Variants in DNAH5 observed in about 807,000 individuals in gnomAD.
The protein encoded by DNAH5 is axonemal beta dynein heavy chain 5.
A neutral mutation model predicts 518.2 loss-of-function variants in DNAH5; 372 were observed. The observed-to-expected ratio is 0.72, with a 90% CI of 0.66 to 0.78. DNAH5 has a LOEUF of 0.78. Among genes scored for constraint, DNAH5 ranks in the 30% least tolerant of loss-of-function variants. DNAH5 has a pLI of 0.00. For synonymous variants in DNAH5, 2,039 were observed against 2,025.9 expected, an observed-to-expected ratio of 1.01 and a Z score of -0.17; for missense variants, 5,523 against 5,687.0, an observed-to-expected ratio of 0.97 and a Z score of 0.93.
At chr5:13,787,548 T>TA (rs1412879132) in intron 51 of DNAH5, among the ~76,000 whole-genome samples, 1 of 152,140 alleles carries the variant, frequency 6.6e-6, no homozygotes, top group Non-Finnish European at 1.5e-5. Flanking sequence ...CTTTGAGAAA[T>TA]AGTGTTTCAA....
At position 13,919,605 on chromosome 5, in the gene DNAH5, G is replaced by T. The variant is rs1361122140; in HGVS notation, c.799-253C>A. ...TCTTTTGAAAATAGTTTATATTTTGGGGGGTTTTTAAAGATTTTTGATTCA... is the reference window on the plus strand; with the variant it reads ...TCTTTTGAAAATAGTTTATATTTTGTGGGGTTTTTAAAGATTTTTGATTCA... On this transcript the variant is annotated intron_variant, in intron 6 of 78. Coordinates refer to ENST00000265104, the MANE Select transcript of DNAH5 (RefSeq NM_001369.3). Among the ~76,000 whole-genome samples, 3 of 152,012 alleles carry T rather than the reference G, an allele frequency of 2.0e-5. No homozygotes were observed. In the South Asian group the frequency reaches 6.2e-4, roughly 32 times the overall value.
chr5:13,819,862 C>T (rs1362276897), intron 41 of DNAH5, among the ~76,000 whole-genome samples: 1 of 152,074 alleles, frequency 6.6e-6, no homozygotes, highest in Non-Finnish European at 1.5e-5. Flanking sequence ...GCATATAGAA[C>T]ATAAGAGTTG....
At chr5:13,700,327 C>T (rs1476691724) in intron 78 of DNAH5, among the ~76,000 whole-genome samples, 1 of 152,206 alleles carries the variant, frequency 6.6e-6, no homozygotes, top group East Asian at 1.9e-4. Context: ...TTATCTCACT[C>T]TCCTTTCCCA....
At chr5:13,904,064 A>G (rs1774992413) in intron 12 of DNAH5, among the ~76,000 whole-genome samples, 1 of 152,040 alleles carries the variant, frequency 6.6e-6, no homozygotes, top group Non-Finnish European at 1.5e-5. Context: ...CTGATAAAAC[A>G]GTTAAACTCT....
chr5:13,822,782 G>A (rs59581201), intron 40 of DNAH5, among the ~76,000 whole-genome samples: 2 of 152,090 alleles, frequency 1.3e-5, no homozygotes, highest in African/African-American at 4.8e-5. Flanking sequence ...AGTGTGGTGG[G>A]TTCCCCCACC....
chr5:13,747,972 G>A (rs1449316228), intron 65 of DNAH5, among the ~76,000 whole-genome samples: 1 of 152,168 alleles, frequency 6.6e-6, no homozygotes, highest in Non-Finnish European at 1.5e-5. Flanking sequence ...GTCCTGAATG[G>A]TATTGCCTAG....
In DNAH5 at chr5:13,810,342, CAT is replaced by C. The variant is rs145443373; in HGVS notation, c.7408-84_7408-83del. On this transcript the variant is annotated intron_variant, in intron 44 of 78. Coordinates refer to ENST00000265104, the MANE Select transcript of DNAH5 (RefSeq NM_001369.3). ...CTAGGGTTTCAATGGGAACAGTAAA[CAT>C]AGAAACAAGACACTAGTTGCCCTCC... 0.16 allele frequency: 189,284 copies of C among 1,215,146 alleles called. 15,786 individuals carry two copies. The highest frequency in any genetic ancestry group is 0.2 in the Admixed American group (10,076 of 50,478). 75.3% of individuals were successfully genotyped at this position (1,215,146 alleles called of 1,614,324 possible).
In DNAH5 at chr5:13,815,674, C is replaced by T. The variant is rs148802760; in HGVS notation, c.6989-828G>A. ...GTTCCAGGAACAGTAAGAAGTTGAA[C>T]CTGAAGGGCAAAAAGAGGAGGAAGG... On this transcript the variant is annotated intron_variant, in intron 42 of 78. Coordinates refer to ENST00000265104, the MANE Select transcript of DNAH5 (RefSeq NM_001369.3). 1.5e-3 allele frequency among the ~76,000 whole-genome samples: 221 copies of T among 152,114 alleles called. 1 individual carries two copies. The Middle Eastern group carries it at 0.017, about 12-fold the overall frequency.
At chr5:13,879,884 C>CTGAAAG (rs70964514) in intron 21 of DNAH5, among the ~76,000 whole-genome samples, 2 of 151,920 alleles carry the variant, frequency 1.3e-5, no homozygotes, top group Non-Finnish European at 2.9e-5. Flanking sequence ...ACAGAGGAAA[C>CTGAAAG]ATACTCAGAG....
intron 52 of DNAH5, among the ~76,000 whole-genome samples, chr5:13,784,192 C>G (rs971089604): frequency 3.3e-5 from 5 of 152,184 alleles, no homozygotes; most frequent in Non-Finnish European, 7.4e-5. Context: ...CATTCAGATT[C>G]TGTCTCCAGC....
chr5:13,762,392 TAC>T (rs1481449081), intron 60 of DNAH5, among the ~76,000 whole-genome samples: 4 of 149,754 alleles, frequency 2.7e-5, no homozygotes, highest in Non-Finnish European at 4.4e-5. Context: ...GATTCTGTGC[TAC>T]AGTTTGCAGC....
intron 19 of DNAH5, among the ~76,000 whole-genome samples, chr5:13,883,407 C>A (rs1771946472): frequency 6.6e-6 from 1 of 152,120 alleles, no homozygotes; most frequent in African/African-American, 2.4e-5. Flanking sequence ...TTCCAAATAA[C>A]AAGATGCCAA....
chr5:13,723,344 G>A (rs767335602), intron 70 of DNAH5, among the ~76,000 whole-genome samples: 2 of 152,204 alleles, frequency 1.3e-5, no homozygotes, highest in African/African-American at 2.4e-5. Context: ...GCTGGACACT[G>A]AGGCATTCCA....
chr5:13,896,501 T>C (rs1334904750), intron 15 of DNAH5: 1 of 152,204 alleles, frequency 6.6e-6, no homozygotes, highest in Non-Finnish European at 1.5e-5. Context: ...TTATCCCCCT[T>C]TTTTGTCCAT....
chr5:13,931,075 A>G (rs1778364812), intron 2 of DNAH5, 35 bp downstream of exon 2: 1 of 1,613,870 alleles, frequency 6.2e-7, no homozygotes, highest in African/African-American at 1.3e-5. Context: ...TGTGCCCTCC[A>G]TCATCAAGTC....
At chr5:13,796,039 G>A (rs9763786) in intron 47 of DNAH5, among the ~76,000 whole-genome samples, 1 of 152,012 alleles carries the variant, frequency 6.6e-6, no homozygotes, top group Non-Finnish European at 1.5e-5. Context: ...AGGTATTGAT[G>A]GAACGTATCT....
rs1350281690 is a variant in DNAH5 at position 13,807,725 on chromosome 5, C to G, written c.7753G>C (p.Ala2585Pro). ...LIQTIAKQGK[A>P]VLLIGEQGTA... The stretch of plus-strand genomic sequence containing the variant: ...CCTTGTTCACCAATTAATAGCACAG[C>G]CTAAAATAGAGGGAATTGAAAAAAA... Residue 2585 changes from alanine (A) to proline (P), a missense_variant and splice_region_variant, in exon 47 of 79, where the codon GCT becomes CCT. This residue lies in a region of DNAH5 where 5,121 missense variants were observed against 5,223.3 expected (regional missense o/e 0.98). Transcript: ENST00000265104. 1 of 1,602,994 alleles carries G rather than the reference C, an allele frequency of 6.2e-7. No homozygotes were observed. Among genetic ancestry groups the G allele is most frequent in the African/African-American group, 1.3e-5 (1 of 74,532 alleles).
At chr5:13,844,707 TA>T (rs1765729632) in intron 32 of DNAH5, 129 bp downstream of exon 32, 1 of 1,176,916 alleles carries the variant, frequency 8.5e-7, no homozygotes, top group African/African-American at 1.5e-5. Flanking sequence ...GATTTGTTTT[TA>T]GTCACTGGCC....
intron 1 of DNAH5, among the ~76,000 whole-genome samples, chr5:13,961,795 A>C (rs1336387757): frequency 6.6e-6 from 1 of 151,610 alleles, no homozygotes; most frequent in African/African-American, 2.4e-5. Context: ...TTGATGCTCA[A>C]CTCCCTCCCA....
Sources: gnomAD v4.1 joint callset for allele counts (sites outside exome capture counted in the v4.1 genomes callset) on GRCh38, gnomAD v4.1.1 for gene constraint, gnomAD v4.1.1 regional missense constraint, MANE v1.5 for transcripts, NCBI Gene and HGNC (gene_info 2026-07-23, HGNC 2026-07-21) for gene names.